Variants in VGF observed in about 807,000 individuals in gnomAD.
The protein encoded by VGF is neurosecretory protein VGF.
Under a neutral mutation model 41.1 loss-of-function variants are expected in VGF, and 13 were observed. The ratio of observed to expected loss-of-function variants is 0.32; its 90% confidence interval spans 0.21 to 0.50. The LOEUF is 0.50. Among genes scored for constraint, VGF ranks in the 20% least tolerant of loss-of-function variants. The pLI, the probability that VGF is intolerant of heterozygous loss-of-function variation, is 0.98. For synonymous variants in VGF, 473 were observed against 418.3 expected, an observed-to-expected ratio of 1.13 and a Z score of -1.60; for missense variants, 920 against 882.1, an observed-to-expected ratio of 1.04 and a Z score of -0.54.
At position 101,164,699 on chromosome 7, in the gene VGF, G is replaced by A. The variant is rs1236168965; in HGVS notation, c.145C>T (p.Pro49Ser). ...HKEPVAGDAVPGPKDGSAPEV... is the reference protein window; with the variant it reads ...HKEPVAGDAVSGPKDGSAPEV... ...GGGGCGCTGCCATCCTTTGGCCCGG[G>A]CACTGCGTCCCCGGCTACCGGCTCT... The change falls in exon 2 of 2, where the codon CCC (proline) becomes TCC (serine). Residue 49 changes from proline to serine, a missense_variant. Physicochemically the swap from Pro to Ser is moderately conservative, Grantham distance 74. Transcript: ENST00000249330. 6.2e-7 allele frequency: 1 copy of A among 1,605,364 alleles called. No homozygotes were observed.
At chr7:101,165,596 T>C (rs1797204909), upstream of VGF, 1 of 985,246 alleles carries the variant, frequency 1.0e-6, no homozygotes, top group Non-Finnish European at 1.2e-6. Flanking sequence ...TCCACCGCCT[T>C]ATAAAGGGGA....
At chr7:101,169,052 G>A (rs768253953), upstream of VGF, among the ~76,000 whole-genome samples, 1 of 152,142 alleles carries the variant, frequency 6.6e-6, no homozygotes, top group African/African-American at 2.4e-5. Flanking sequence ...TCCTGGGGAA[G>A]GGACTGAGGG....
At position 101,163,037 on chromosome 7, in the gene VGF, G is replaced by T. The variant is rs1311289763; in HGVS notation, c.1807C>A (p.Leu603Met). The part of the protein sequence containing the change: ...EERRLQEQEE[L>M]ENYIEHVLLR... The stretch of plus-strand genomic sequence containing the variant: ...AGCACGTGCTCGATGTAATTCTCCA[G>T]CTCCTCCTGCTCCTGCAGCCGGCGC... The change falls in exon 2 of 2, where the codon CTG becomes ATG. Residue 603 changes from leucine to methionine, a missense_variant. This residue lies in a region of VGF where 257 missense variants were observed against 217.2 expected (regional missense o/e 1.18). Transcript: ENST00000249330. This position sits in a 1 kb window ranked among gnomAD's most constrained non-coding sequence, Gnocchi z 5.0. 31 of 1,566,420 alleles carry T rather than the reference G, an allele frequency of 2.0e-5. No individual in the cohort carries two copies. The highest frequency in any genetic ancestry group is 2.7e-5 in the Non-Finnish European group (31 of 1,161,412).
chr7:101,164,576 G>A lies in VGF; in HGVS notation c.268C>T (p.Leu90Phe), dbSNP rs1487027074. The change falls in exon 2 of 2, where the codon CTC (leucine) becomes TTC (phenylalanine). Residue 90 changes from leucine to phenylalanine, a missense_variant. Physicochemically the swap from Leu to Phe is conservative, Grantham distance 22. Transcript: ENST00000249330. ...GCCGGGGGTGAGGCGGGACGGTCGA[G>A]TGCCTGCAGCAGCACCGCGGCCAGC... ...RALAAVLLQA[L>F]DRPASPPAPS... 6.2e-7 allele frequency: 1 copy of A among 1,600,632 alleles called. No homozygotes were observed. Among genetic ancestry groups the A allele is most frequent in the South Asian group, 1.1e-5 (1 of 90,322 alleles).
Position 101,163,148 on chromosome 7 carries a change from A to G in VGF, c.1696T>C (p.Tyr566His), listed in dbSNP as rs1797141109. ...CGCGAAGGCGGCAAGGCGTGGTGGT[A>G]GTGGCGGCGGCGCAAGGCCGAGGGC... ...QPPSALRRRH[Y>H]HHALPPSRHY... Residue 566 changes from tyrosine to histidine, a missense_variant, in exon 2 of 2, where the codon TAC becomes CAC. Physicochemically the swap from Tyr to His is moderately conservative, Grantham distance 83. Coordinates refer to ENST00000249330, the MANE Select transcript of VGF (RefSeq NM_003378.4). This position sits in a 1 kb window ranked among gnomAD's most constrained non-coding sequence, Gnocchi z 5.0. 2.5e-6 allele frequency: 4 copies of G among 1,579,980 alleles called. No homozygotes were observed. Among genetic ancestry groups the G allele is most frequent in the Admixed American group, 1.8e-5 (1 of 56,046 alleles).
upstream of VGF, among the ~76,000 whole-genome samples, chr7:101,166,472 T>C (rs548005943): frequency 1.5e-4 from 22 of 149,834 alleles, no homozygotes; most frequent in South Asian, 4.6e-3. Flanking sequence ...CCAAGGACGT[T>C]TGGAGGGCGA....
chr7:101,169,318 A>G (rs1797270487), upstream of VGF, among the ~76,000 whole-genome samples: 1 of 145,458 alleles, frequency 6.9e-6, no homozygotes, highest in Non-Finnish European at 1.5e-5. Context: ...ACACACACAC[A>G]CTCAAATACA....
rs1797152946 is a variant in VGF at position 101,163,477 on chromosome 7, A to G, written c.1367T>C (p.Ile456Thr). Residue 456 changes from isoleucine (I) to threonine (T), a missense_variant, in exon 2 of 2, where the codon ATT becomes ACT. Transcript: ENST00000249330. The surrounding 1 kb of genome is among the most constrained non-coding windows in gnomAD (Gnocchi z 5.0). ...EMDPQTIDSLIELSTKLHLPA... is the reference protein window; with the variant it reads ...EMDPQTIDSLTELSTKLHLPA... ...CAGGTGGAGTTTGGTGGACAGCTCAATGAGGCTGTCGATCGTCTGCGGATC... is the reference window on the plus strand; with the variant it reads ...CAGGTGGAGTTTGGTGGACAGCTCAGTGAGGCTGTCGATCGTCTGCGGATC... 2 of 1,612,948 alleles carry G rather than the reference A, an allele frequency of 1.2e-6. No individual in the cohort carries two copies. The highest frequency in any genetic ancestry group is 1.1e-5 in the South Asian group (1 of 91,028).
chr7:101,163,698 A>G lies in VGF; in HGVS notation c.1146T>C (p.Asp382=). The G allele has an allele frequency of 6.6e-7, 1 of 1,524,542 alleles. No individual in the cohort carries two copies. The highest frequency in any genetic ancestry group is 8.8e-7 in the Non-Finnish European group (1 of 1,142,332). 94.4% of individuals were successfully genotyped at this position (1,524,542 alleles called of 1,614,324 possible). A position where few individuals can be genotyped will look rare whatever the true frequency, so the allele number is the denominator to read the frequency against. Residue 382 remains aspartate, a synonymous_variant, in exon 2 of 2, where the codon GAT becomes GAC. Coordinates refer to ENST00000249330, the MANE Select transcript of VGF (RefSeq NM_003378.4). The surrounding 1 kb of genome is among the most constrained non-coding windows in gnomAD (Gnocchi z 5.0). The part of the protein sequence containing the change: ...RGGEERVGEE[D]EEAAEAEAEA... ...CTGCCTCCGCCTCGGCCGCCTCCTC[A>G]TCCTCTTCCCCCACCCTCTCCTCCC...
At chr7:101,165,173 C>T (rs896483166) in intron 1 of VGF, 15 of 1,056,010 alleles carry the variant, frequency 1.4e-5, no homozygotes, top group Non-Finnish European at 1.7e-5. Flanking sequence ...AATCTCTGCT[C>T]CCTCCCCGTA....
At chr7:101,166,173 G>T (rs1415513379), upstream of VGF, among the ~76,000 whole-genome samples, 2 of 152,168 alleles carry the variant, frequency 1.3e-5, no homozygotes, top group African/African-American at 2.4e-5. Context: ...CGCTGTCCGC[G>T]AATCGGCAGT....
upstream of VGF, among the ~76,000 whole-genome samples, chr7:101,166,087 G>A (rs1797214403): frequency 1.3e-5 from 2 of 152,202 alleles, no homozygotes; most frequent in Admixed American, 1.3e-4. Flanking sequence ...AGGGGGCCGG[G>A]TTCCCCACCC....
rs1316884616 is a variant in VGF, at chr7:101,164,368, A to G, written c.476T>C (p.Leu159Pro). 1.9e-6 allele frequency: 3 copies of G among 1,611,660 alleles called. No homozygotes were observed. The highest frequency in any genetic ancestry group is 1.7e-5 in the Admixed American group (1 of 60,004). ...TCGCAGTTCCTGGAGCAGGGACGCT[A>G]GCGCCTCGAGCTCCTCGGAGGGATC... ...ASDPSEELEA[L>P]ASLLQELRDF... Residue 159 changes from leucine (L) to proline (P), a missense_variant, in exon 2 of 2, where the codon CTA becomes CCA. By Grantham distance (98) the Leu-to-Pro change is moderately conservative. This residue lies in a region of VGF where 654 missense variants were observed against 638.4 expected (regional missense o/e 1.02). Coordinates refer to ENST00000249330, the MANE Select transcript of VGF (RefSeq NM_003378.4).
chr7:101,164,882 C>A lies in VGF; in HGVS notation c.-20-19G>T. The A allele has an allele frequency of 6.6e-7, 1 of 1,512,930 alleles. No homozygotes were observed. The highest frequency in any genetic ancestry group is 2.3e-5 in the Admixed American group (1 of 44,016). The allele number at this position is 1,512,930 out of a possible 1,614,324, so 93.7% of individuals were successfully genotyped here. A position where few individuals can be genotyped will look rare whatever the true frequency, so the allele number is the denominator to read the frequency against. On this transcript the variant is annotated intron_variant, in intron 1 of 1. Coordinates refer to ENST00000249330, the MANE Select transcript of VGF (RefSeq NM_003378.4). ...CCGGAGACTGAAAAATAGAAGGGAC[C>A]AAAAAAAGAGGATTTCTGTAAGAAT...
chr7:101,164,405 G>A lies in VGF; in HGVS notation c.439C>T (p.Pro147Ser). 1.2e-6 allele frequency: 2 copies of A among 1,610,628 alleles called. No homozygotes were observed. The highest frequency in any genetic ancestry group is 1.7e-6 in the Non-Finnish European group (2 of 1,179,678). Reference protein sequence around the residue: ...PPRPQTPENGPEASDPSEELE... With the variant: ...PPRPQTPENGSEASDPSEELE... ...TCCTCGGAGGGATCGCTCGCCTCGG[G>A]CCCATTCTCCGGAGTCTGAGGGCGA... Residue 147 changes from proline to serine, a missense_variant, in exon 2 of 2, where the codon CCC becomes TCC. Pro to Ser is a moderately conservative substitution (Grantham distance 74). This residue lies in a region of VGF where 654 missense variants were observed against 638.4 expected (regional missense o/e 1.02). Transcript: ENST00000249330.
chr7:101,163,476 A>G lies in VGF; in HGVS notation c.1368T>C (p.Ile456=), dbSNP rs757531217. Residue 456 remains isoleucine, a synonymous_variant, in exon 2 of 2, where the codon ATT becomes ATC. Coordinates refer to ENST00000249330, the MANE Select transcript of VGF (RefSeq NM_003378.4). This position sits in a 1 kb window ranked among gnomAD's most constrained non-coding sequence, Gnocchi z 5.0. The stretch of plus-strand genomic sequence containing the variant: ...GCAGGTGGAGTTTGGTGGACAGCTC[A>G]ATGAGGCTGTCGATCGTCTGCGGAT... ...EMDPQTIDSL[I]ELSTKLHLPA... is the part of the protein sequence containing the mutation. 8 of 1,612,894 alleles carry G rather than the reference A, an allele frequency of 5.0e-6. No individual in the cohort carries two copies. The South Asian group carries it at 8.8e-5, about 18-fold the overall frequency.
Position 101,164,878 on chromosome 7 carries a change from G to C in VGF, c.-20-15C>G, listed in dbSNP as rs977541687. ...GCTGCCGGAGACTGAAAAATAGAAG[G>C]GACCAAAAAAAGAGGATTTCTGTAA... On this transcript the variant is annotated splice_polypyrimidine_tract_variant and intron_variant, in intron 1 of 1. Transcript: ENST00000249330. The C allele has an allele frequency of 5.3e-6, 8 of 1,516,288 alleles. No homozygotes were observed. The highest frequency in any genetic ancestry group is 7.1e-6 in the Non-Finnish European group (8 of 1,131,672). 93.9% of individuals were successfully genotyped at this position (1,516,288 alleles called of 1,614,324 possible).
chr7:101,163,181 G>A lies in VGF; in HGVS notation c.1663C>T (p.Leu555=). 2 of 1,553,430 alleles carry A rather than the reference G, an allele frequency of 1.3e-6. No individual in the cohort carries two copies. The highest frequency in any genetic ancestry group is 4.9e-5 in the East Asian group (2 of 41,152). Residue 555 remains leucine, a synonymous_variant, in exon 2 of 2, where the codon CTG becomes TTG. Coordinates refer to ENST00000249330, the MANE Select transcript of VGF (RefSeq NM_003378.4). This position sits in a 1 kb window ranked among gnomAD's most constrained non-coding sequence, Gnocchi z 5.0. Reference sequence around the variant, plus strand: ...CGGCGCAAGGCCGAGGGCGGCTGCAGTGTCCGCGGCCGGATGTAGTTGGGG... The same window carrying A: ...CGGCGCAAGGCCGAGGGCGGCTGCAATGTCCGCGGCCGGATGTAGTTGGGG... ...PFPNYIRPRT[L]QPPSALRRRH...
chr7:101,164,756 C>A lies in VGF; in HGVS notation c.88G>T (p.Ala30Ser), dbSNP rs1797190987. ...LGAAPPGRPEAQPPPLSSEHK... is the reference protein window; with the variant it reads ...LGAAPPGRPESQPPPLSSEHK... Reference sequence around the variant, plus strand: ...TCAGAGCTGAGAGGAGGAGGCTGCGCCTCAGGGCGACCAGGGGGTGCTGCC... The same window carrying A: ...TCAGAGCTGAGAGGAGGAGGCTGCGACTCAGGGCGACCAGGGGGTGCTGCC... Residue 30 changes from alanine (A) to serine (S), a missense_variant, in exon 2 of 2, where the codon GCG becomes TCG. This residue lies in a region of VGF where 654 missense variants were observed against 638.4 expected (regional missense o/e 1.02). Coordinates refer to ENST00000249330, the MANE Select transcript of VGF (RefSeq NM_003378.4). 1 of 1,610,596 alleles carries A rather than the reference C, an allele frequency of 6.2e-7. No individual in the cohort carries two copies. The highest frequency in any genetic ancestry group is 2.2e-5 in the East Asian group (1 of 44,784).
Sources: allele counts gnomAD v4.1 joint callset (sites outside exome capture counted in the v4.1 genomes callset), GRCh38; gene constraint gnomAD v4.1.1; regional missense constraint gnomAD v4.1.1; non-coding constraint Gnocchi (gnomAD v3.1); transcripts MANE v1.5; gene names NCBI Gene and HGNC (gene_info 2026-07-23, HGNC 2026-07-21).